Variants in RARB observed in about 807,000 individuals in gnomAD.
RARB encodes retinoic acid receptor beta.
A neutral mutation model predicts 51.9 loss-of-function variants in RARB; 17 were observed. The observed-to-expected ratio is 0.33, with a 90% CI of 0.22 to 0.49. RARB has a LOEUF of 0.49. Among genes scored for constraint, RARB ranks in the 20% least tolerant of loss-of-function variants. RARB has a pLI of 0.99. For synonymous variants in RARB, 215 were observed against 195.4 expected (o/e 1.10, Z -0.84); for missense variants, 369 against 550.8 (o/e 0.67, Z 3.30).
rs1697624630 is a variant in RARB at position 25,020,979 on chromosome 3, A to G, written c.-379-39146A>G. ...TGAAACACCGTCTCAAAATAAATAA[A>G]TAAATAAATATTTTAGATTTTTCTA... On this transcript the variant is annotated intron_variant, in intron 2 of 11. Transcript: ENST00000383772. Among the ~76,000 whole-genome samples, 3 of 152,318 alleles carry G rather than the reference A, an allele frequency of 2.0e-5. No homozygotes were observed. In the South Asian group the frequency reaches 6.2e-4, roughly 32 times the overall value.
intron 2 of RARB, among the ~76,000 whole-genome samples, chr3:24,945,625 G>A (rs1043091243): frequency 1.3e-5 from 2 of 152,194 alleles, no homozygotes; most frequent in Non-Finnish European, 2.9e-5. Context: ...CGTATTTCCA[G>A]AATCTTATCC....
chr3:24,902,921 T>A (rs6770148), intron 2 of RARB, among the ~76,000 whole-genome samples: 15,645 of 151,890 alleles, frequency 0.1, 1,074 homozygotes, highest in African/African-American at 0.19. Context: ...AGTATTTGAT[T>A]ATCTTTATAT....
At chr3:25,382,798 C>T (rs948349704) in intron 5 of RARB, among the ~76,000 whole-genome samples, 5 of 152,160 alleles carry the variant, frequency 3.3e-5, no homozygotes, top group African/African-American at 1.2e-4. Flanking sequence ...GCAGAGGTTG[C>T]AGTGAGCTGA....
chr3:25,543,418 C>G (rs1699468990), intron 3 of RARB, among the ~76,000 whole-genome samples: 1 of 152,164 alleles, frequency 6.6e-6, no homozygotes, highest in South Asian at 2.1e-4. Context: ...ACAGAAAATT[C>G]AGTCTGTTCA....
chr3:24,943,958 T>C (rs1406067963), intron 2 of RARB, among the ~76,000 whole-genome samples: 1 of 152,188 alleles, frequency 6.6e-6, no homozygotes, highest in Non-Finnish European at 1.5e-5. Context: ...AGAAAAATGG[T>C]TCCGATTCAG....
chr3:25,194,479 GTATA>G (rs547029523), intron 5 of RARB, among the ~76,000 whole-genome samples: 8 of 147,878 alleles, frequency 5.4e-5, no homozygotes, highest in East Asian at 2.0e-4. Flanking sequence ...ACAGTAGTGT[GTATA>G]TATATATATA....
chr3:25,090,384 T>A (rs144836862), intron 3 of RARB, among the ~76,000 whole-genome samples: 374 of 152,302 alleles, frequency 2.5e-3, no homozygotes, highest in African/African-American at 8.7e-3. Flanking sequence ...TTAACTTGTT[T>A]TGCACAAATA....
At chr3:24,899,892 G>A (rs908946535) in intron 2 of RARB, among the ~76,000 whole-genome samples, 46 of 150,292 alleles carry the variant, frequency 3.1e-4, no homozygotes, top group Non-Finnish European at 5.5e-4. Context: ...TAGGAGGAAG[G>A]AAGGGCAAAT....
intron 5 of RARB, among the ~76,000 whole-genome samples, chr3:25,282,182 C>T (rs1017202073): frequency 2.0e-5 from 3 of 152,196 alleles, no homozygotes; most frequent in Non-Finnish European, 4.4e-5. Context: ...TATTACCCTA[C>T]TGACTATATC....
At chr3:25,497,190 C>T (rs1318387386) in intron 2 of RARB, among the ~76,000 whole-genome samples, 1 of 152,162 alleles carries the variant, frequency 6.6e-6, no homozygotes, top group Admixed American at 6.5e-5. Flanking sequence ...TGGCCGAAAA[C>T]CAGGTCTTAA....
At chr3:25,298,034 T>A (rs988093805) in intron 5 of RARB, among the ~76,000 whole-genome samples, 3 of 152,074 alleles carry the variant, frequency 2.0e-5, no homozygotes, top group Non-Finnish European at 4.4e-5. Flanking sequence ...CTTTCTTTTG[T>A]AATATAGGAC....
chr3:25,191,162 G>A (rs1236610729), intron 5 of RARB, among the ~76,000 whole-genome samples: 1 of 151,962 alleles, frequency 6.6e-6, no homozygotes, highest in Non-Finnish European at 1.5e-5. Flanking sequence ...AAAAAAATAG[G>A]GGAAAGTTTT....
chr3:24,897,744 C>T (rs1703508223), intron 2 of RARB, among the ~76,000 whole-genome samples: 1 of 124,524 alleles, frequency 8.0e-6, no homozygotes, highest in African/African-American at 3.1e-5. Context: ...GAACACAATG[C>T]TCTGAGGCTT....
At chr3:25,390,826 C>T (rs1706931927) in intron 5 of RARB, among the ~76,000 whole-genome samples, 1 of 152,160 alleles carries the variant, frequency 6.6e-6, no homozygotes, top group South Asian at 2.1e-4. Context: ...CCAGAACCCT[C>T]CTAAGCCCTG....
chr3:25,408,667 G>A (rs1443761872), intron 5 of RARB, among the ~76,000 whole-genome samples: 1 of 152,080 alleles, frequency 6.6e-6, no homozygotes, highest in Non-Finnish European at 1.5e-5. Context: ...ATTGCTAAGG[G>A]AAGACTTCCC....
At chr3:25,289,960 C>T (rs1703746704) in intron 5 of RARB, among the ~76,000 whole-genome samples, 2 of 152,146 alleles carry the variant, frequency 1.3e-5, no homozygotes, top group Non-Finnish European at 2.9e-5. Flanking sequence ...GGGAAGAAAT[C>T]CTGACTTTAC....
At chr3:24,986,303 T>C (rs115534880) in intron 2 of RARB, among the ~76,000 whole-genome samples, 1,846 of 152,356 alleles carry the variant, frequency 0.012, 40 homozygotes, top group African/African-American at 0.043. Context: ...TGTTATTATA[T>C]GTGTATAAGT....
intron 5 of RARB, among the ~76,000 whole-genome samples, chr3:25,304,501 C>A (rs777163441): frequency 1.3e-5 from 2 of 152,150 alleles, no homozygotes; most frequent in Non-Finnish European, 2.9e-5. Flanking sequence ...ACTTTTTCAT[C>A]GGCCTTGATC....
intron 5 of RARB, among the ~76,000 whole-genome samples, chr3:25,278,511 C>G (rs1309566105): frequency 1.3e-5 from 2 of 152,172 alleles, no homozygotes; most frequent in East Asian, 3.9e-4. Context: ...ACAACAGTGT[C>G]TCTATACAGG....
Sources: gnomAD v4.1 joint callset for allele counts (sites outside exome capture counted in the v4.1 genomes callset) on GRCh38, gnomAD v4.1.1 for gene constraint, MANE v1.5 for transcripts, NCBI Gene and HGNC (gene_info 2026-07-23, HGNC 2026-07-21) for gene names.